HIPK2: variants seen among roughly 807,000 people sequenced by gnomAD.
HIPK2 encodes the protein homeodomain interacting protein kinase 2.
In HIPK2, 27 loss-of-function variants were observed where a neutral mutation model predicts 113.7. That is an observed-to-expected ratio of 0.24 (90% CI 0.17 to 0.33). The LOEUF (loss-of-function observed/expected upper bound fraction) is 0.33, where lower values mean the gene tolerates loss of function less well. Ranked by LOEUF, HIPK2 falls within the 10% of genes least tolerant of loss-of-function variation. HIPK2 has a pLI of 1.00. For synonymous variants in HIPK2, 631 were observed against 642.2 expected, an observed-to-expected ratio of 0.98 and a Z score of 0.26; for missense variants, 1,257 against 1,588.0, an observed-to-expected ratio of 0.79 and a Z score of 3.54.
At chr7:139,752,845 C>G (rs1796301702) in intron 1 of HIPK2, among the ~76,000 whole-genome samples, 1 of 152,158 alleles carries the variant, frequency 6.6e-6, no homozygotes, top group Non-Finnish European at 1.5e-5. Context: ...GCTCAAAATT[C>G]CTGAACTTCC....
At position 139,573,212 on chromosome 7, in the gene HIPK2, G is replaced by A. The variant is rs772726482; in HGVS notation, c.3312C>T (p.Thr1104=). ...AHLPTQPHLY[T]YTAPAALGST... is the part of the protein sequence containing the mutation. The stretch of plus-strand genomic sequence containing the variant: ...AGCCCAGGGCCGCCGGCGCAGTGTA[G>A]GTGTAGAGGTGGGGCTGGGTGGGGA... Residue 1104 remains threonine (T), a synonymous_variant, in exon 15 of 15, where the codon ACC becomes ACT. Coordinates refer to ENST00000406875, the MANE Select transcript of HIPK2 (RefSeq NM_022740.5). The A allele has an allele frequency of 1.2e-6, 2 of 1,606,310 alleles. No homozygotes were observed. The highest frequency in any genetic ancestry group is 4.5e-5 in the East Asian group (2 of 44,848).
At chr7:139,754,979 A>G (rs142063198) in intron 1 of HIPK2, among the ~76,000 whole-genome samples, 26 of 152,304 alleles carry the variant, frequency 1.7e-4, no homozygotes, top group Middle Eastern at 3.4e-3. Context: ...GTACTTTAAA[A>G]ACAACATGCA....
At chr7:139,679,634 T>A (rs1802627638) in intron 2 of HIPK2, among the ~76,000 whole-genome samples, 1 of 152,204 alleles carries the variant, frequency 6.6e-6, no homozygotes, top group Non-Finnish European at 1.5e-5. Context: ...AGCATTAAAA[T>A]TTTCCAGCCA....
At position 139,623,424 on chromosome 7, in the gene HIPK2, C is replaced by T. The variant is rs140149214; in HGVS notation, c.1620-2861G>A. On this transcript the variant is annotated intron_variant, in intron 6 of 14. Transcript: ENST00000406875. ...ACTCGGGAGGCTGAGGCAGGAGAAT[C>T]GCTTGAACCTGGGAGGTGGAAGCTG... is the stretch of plus-strand genomic sequence containing the variant. Among the ~76,000 whole-genome samples, 705 of 149,922 alleles carry T rather than the reference C, an allele frequency of 4.7e-3. 4 individuals are homozygous for T. The highest frequency in any genetic ancestry group is 0.016 in the African/African-American group (657 of 40,658).
At chr7:139,758,357 T>C (rs1177594018) in intron 1 of HIPK2, among the ~76,000 whole-genome samples, 1 of 152,212 alleles carries the variant, frequency 6.6e-6, no homozygotes, top group Non-Finnish European at 1.5e-5. Context: ...GTAGGGGTTA[T>C]GATACTATGG....
rs955705419 is a variant in HIPK2, at chr7:139,605,420, G to C, written c.2113-1197C>G. On this transcript the variant is annotated intron_variant, in intron 9 of 14. Transcript: ENST00000406875. ...GGACAGATCAAATATTTAAAGGTTT[G>C]ATATCTTAGCCATCTCTCTTTCTAT... 5.7e-4 allele frequency among the ~76,000 whole-genome samples: 87 copies of C among 152,250 alleles called. 2 individuals carry two copies. Among genetic ancestry groups the C allele is most frequent in the Admixed American group, 5.7e-3 (87 of 15,298 alleles).
chr7:139,622,575 T>A (rs371592840), intron 6 of HIPK2, among the ~76,000 whole-genome samples: 9 of 152,336 alleles, frequency 5.9e-5, no homozygotes, highest in African/African-American at 1.9e-4. Context: ...ATTGGTTTTT[T>A]AAAAATTGTG....
intron 10 of HIPK2, among the ~76,000 whole-genome samples, chr7:139,601,746 G>T (rs1363563508): frequency 2.0e-5 from 3 of 152,064 alleles, no homozygotes; most frequent in African/African-American, 7.2e-5. Context: ...CTCAGAGATT[G>T]GCCCATAAGA....
chr7:139,653,248 G>T (rs1192736278), intron 2 of HIPK2, among the ~76,000 whole-genome samples: 1 of 151,778 alleles, frequency 6.6e-6, no homozygotes, highest in Non-Finnish European at 1.5e-5. Flanking sequence ...CAGCGTCACT[G>T]TCATCCTCGA....
chr7:139,561,665 A>G lies in HIPK2; in HGVS notation c.*11262T>C, dbSNP rs1288407810. 6.6e-6 allele frequency: 1 copy of G among 152,190 alleles called. No homozygotes were observed. Among genetic ancestry groups the G allele is most frequent in the Non-Finnish European group, 1.5e-5 (1 of 68,036 alleles). 9.4% of individuals were successfully genotyped at this position (152,190 alleles called of 1,614,324 possible). On this transcript the variant is annotated 3_prime_UTR_variant, in exon 15 of 15. Transcript: ENST00000406875. ...TGCATATGTGAGTTTACAAATTTTAATTAATAAGTCATTTCACCTCGGAGA... is the reference window on the plus strand; with the variant it reads ...TGCATATGTGAGTTTACAAATTTTAGTTAATAAGTCATTTCACCTCGGAGA...
intron 1 of HIPK2, among the ~76,000 whole-genome samples, chr7:139,741,715 C>T (rs2117080377): frequency 6.6e-6 from 1 of 151,838 alleles, no homozygotes; most frequent in Non-Finnish European, 1.5e-5. Flanking sequence ...TCACAGGTAA[C>T]TCCTCCTGTC....
At chr7:139,700,535 T>G (rs1343264035) in intron 2 of HIPK2, among the ~76,000 whole-genome samples, 1 of 151,844 alleles carries the variant, frequency 6.6e-6, no homozygotes, top group African/African-American at 2.4e-5. Context: ...TGCACCCAAC[T>G]TCTTAAATGG....
intron 2 of HIPK2, among the ~76,000 whole-genome samples, chr7:139,672,884 A>G (rs1205376640): frequency 1.3e-5 from 2 of 152,220 alleles, no homozygotes; most frequent in East Asian, 1.9e-4. Context: ...GTATTAATAA[A>G]GAATTTGCAC....
intron 1 of HIPK2, among the ~76,000 whole-genome samples, chr7:139,734,317 T>C (rs146741720): frequency 6.6e-6 from 1 of 152,180 alleles, no homozygotes; most frequent in African/African-American, 2.4e-5. Context: ...CCCCACCTAA[T>C]AACTTTTCTG....
Position 139,714,661 on chromosome 7 carries a change from C to G in HIPK2, c.1103+1271G>C, listed in dbSNP as rs963911600. On this transcript the variant is annotated intron_variant, in intron 2 of 14. Coordinates refer to ENST00000406875, the MANE Select transcript of HIPK2 (RefSeq NM_022740.5). The surrounding 1 kb of genome is among the most constrained non-coding windows in gnomAD (Gnocchi z 4.2). ...GCTTGCTTGCAAGCAGGATGGCCTC[C>G]GGGGACCCCGGTCTTCCTGCCTACG... is the stretch of plus-strand genomic sequence containing the variant. Among the ~76,000 whole-genome samples the G allele has an allele frequency of 6.6e-6, 1 of 152,214 alleles. No homozygotes were observed. Among genetic ancestry groups the G allele is most frequent in the Non-Finnish European group, 1.5e-5 (1 of 68,038 alleles).
chr7:139,692,357 C>G (rs1444709735), intron 2 of HIPK2, among the ~76,000 whole-genome samples: 1 of 152,200 alleles, frequency 6.6e-6, no homozygotes, highest in Non-Finnish European at 1.5e-5. Context: ...TGCACACTGG[C>G]TACAGAGAGG....
chr7:139,597,146 G>A, intron 11 of HIPK2, 148 bp from the exon 12 acceptor site: 2 of 814,468 alleles, frequency 2.5e-6, no homozygotes, highest in African/African-American at 1.7e-5. Flanking sequence ...CTGTGACTGG[G>A]AAAGGGATCA....
chr7:139,661,272 A>G (rs956080233), intron 2 of HIPK2, among the ~76,000 whole-genome samples: 2 of 152,098 alleles, frequency 1.3e-5, no homozygotes, highest in African/African-American at 2.4e-5. Flanking sequence ...CACCCAATAT[A>G]AGCGTCTCTT....
At chr7:139,632,761 C>A (rs1053887989) in intron 2 of HIPK2, among the ~76,000 whole-genome samples, 2 of 152,046 alleles carry the variant, frequency 1.3e-5, no homozygotes, top group African/African-American at 4.8e-5. Context: ...GAGATATGAA[C>A]ACAGCTTATG....
Sources: allele counts gnomAD v4.1 joint callset (sites outside exome capture counted in the v4.1 genomes callset), GRCh38; gene constraint gnomAD v4.1.1; non-coding constraint Gnocchi (gnomAD v3.1); transcripts MANE v1.5; gene names NCBI Gene and HGNC (gene_info 2026-07-23, HGNC 2026-07-21).